The following ADGRL3 variants were observed in gnomAD, a reference collection of about 807,000 sequenced individuals.
The protein encoded by ADGRL3 is calcium-independent alpha-latrotoxin receptor 3.
ADGRL3 carries 62 observed loss-of-function variants against 153.5 expected under a neutral mutation model. The ratio of observed to expected loss-of-function variants is 0.40; its 90% confidence interval spans 0.33 to 0.50. The LOEUF (loss-of-function observed/expected upper bound fraction) is 0.50. Among genes scored for constraint, ADGRL3 ranks in the 20% least tolerant of loss-of-function variants. ADGRL3 has a pLI of 0.47. For synonymous variants in ADGRL3, 710 were observed against 672.5 expected (o/e 1.06, Z -0.86); for missense variants, 1,641 against 1,859.4 (o/e 0.88, Z 2.16).
intron 1 of ADGRL3, among the ~76,000 whole-genome samples, chr4:61,326,031 C>T (rs904285632): frequency 2.0e-5 from 3 of 152,090 alleles, no homozygotes; most frequent in Admixed American, 6.5e-5. Context: ...GGGTCCTCAG[C>T]TAAGATGAGA....
At chr4:61,755,733 T>C (rs1377401256) in intron 8 of ADGRL3, among the ~76,000 whole-genome samples, 1 of 152,242 alleles carries the variant, frequency 6.6e-6, no homozygotes, top group Non-Finnish European at 1.5e-5. Context: ...GGTTTTATTC[T>C]AGGTTTTTTA....
chr4:61,216,350 A>G (rs944523351), intron 1 of ADGRL3, among the ~76,000 whole-genome samples: 1 of 152,088 alleles, frequency 6.6e-6, no homozygotes, highest in Non-Finnish European at 1.5e-5. Context: ...AGGATTTGGT[A>G]TAGTTTTTTA....
intron 24 of ADGRL3, among the ~76,000 whole-genome samples, chr4:62,041,312 A>G (rs1728148342): frequency 6.6e-6 from 1 of 152,108 alleles, no homozygotes; most frequent in Non-Finnish European, 1.5e-5. Context: ...ATATATTCAC[A>G]GAAATGGGTG....
intron 17 of ADGRL3, among the ~76,000 whole-genome samples, chr4:61,969,014 A>G (rs1027063030): frequency 6.6e-6 from 1 of 152,100 alleles, no homozygotes; most frequent in Non-Finnish European, 1.5e-5. Flanking sequence ...TTTTGCTGGC[A>G]TGATTCAACG....
chr4:61,974,684 G>A (rs2099041800), intron 17 of ADGRL3, among the ~76,000 whole-genome samples: 1 of 152,174 alleles, frequency 6.6e-6, no homozygotes, highest in South Asian at 2.1e-4. Flanking sequence ...CTAAATTGAA[G>A]TGACAAGATT....
intron 11 of ADGRL3, among the ~76,000 whole-genome samples, chr4:61,903,516 A>G (rs2098676515): frequency 6.6e-6 from 1 of 152,072 alleles, no homozygotes; most frequent in African/African-American, 2.4e-5. Flanking sequence ...GCTATGATTT[A>G]TTCACTTTAA....
At chr4:61,806,125 TA>T (rs1023203624) in intron 8 of ADGRL3, among the ~76,000 whole-genome samples, 1 of 152,292 alleles carries the variant, frequency 6.6e-6, no homozygotes, top group African/African-American at 2.4e-5. Context: ...TGGTGGGTCC[TA>T]GGATGACAGA....
intron 6 of ADGRL3, among the ~76,000 whole-genome samples, chr4:61,726,734 A>G (rs1327411445): frequency 2.6e-5 from 4 of 152,162 alleles, no homozygotes; most frequent in Non-Finnish European, 4.4e-5. Flanking sequence ...TAACAATACT[A>G]TTACATTGCA....
At chr4:61,695,066 C>A (rs912137931) in intron 6 of ADGRL3, among the ~76,000 whole-genome samples, 1 of 152,180 alleles carries the variant, frequency 6.6e-6, no homozygotes, top group African/African-American at 2.4e-5. Context: ...CCACTGAAAT[C>A]TTGAACCCTT....
chr4:61,463,976 T>C (rs534007272), intron 2 of ADGRL3, among the ~76,000 whole-genome samples: 1 of 152,294 alleles, frequency 6.6e-6, no homozygotes, highest in Non-Finnish European at 1.5e-5. Context: ...ACTGCAGGGC[T>C]CAACAGACAT....
chr4:61,275,518 C>T (rs145296810), intron 1 of ADGRL3, among the ~76,000 whole-genome samples: 17 of 152,244 alleles, frequency 1.1e-4, no homozygotes, highest in African/African-American at 4.1e-4. Flanking sequence ...AAGCACTGGG[C>T]GTCTGGTTTT....
At chr4:61,694,176 ATTATTTTT>A (rs2095593846) in intron 6 of ADGRL3, among the ~76,000 whole-genome samples, 18 of 94,692 alleles carry the variant, frequency 1.9e-4, no homozygotes, top group African/African-American at 4.4e-4. Context: ...AAATTTTGTC[ATTATTTTT>A]TTTTTTTTTT....
intron 8 of ADGRL3, among the ~76,000 whole-genome samples, chr4:61,802,267 T>C (rs1316917834): frequency 6.6e-6 from 1 of 152,152 alleles, no homozygotes; most frequent in South Asian, 2.1e-4. Flanking sequence ...GAAGTTGCTT[T>C]TGTTTGAAAG....
intron 1 of ADGRL3, among the ~76,000 whole-genome samples, chr4:61,366,667 A>C (rs1284185021): frequency 1.3e-5 from 2 of 152,172 alleles, no homozygotes; most frequent in African/African-American, 4.8e-5. Flanking sequence ...TTTAATATTT[A>C]GGTAATATTT....
At chr4:61,648,080 T>G (rs1231905082) in intron 5 of ADGRL3, among the ~76,000 whole-genome samples, 1 of 152,156 alleles carries the variant, frequency 6.6e-6, no homozygotes, top group Non-Finnish European at 1.5e-5. Context: ...GAGATTCCAC[T>G]GAACTGACAT....
chr4:61,308,891 A>C (rs2094898950), intron 1 of ADGRL3, among the ~76,000 whole-genome samples: 1 of 152,144 alleles, frequency 6.6e-6, no homozygotes, highest in African/African-American at 2.4e-5. Context: ...TTTACAGTTT[A>C]CTGTCTTATT....
At chr4:61,620,335 A>G (rs1334376308) in intron 5 of ADGRL3, among the ~76,000 whole-genome samples, 1 of 152,174 alleles carries the variant, frequency 6.6e-6, no homozygotes, top group East Asian at 1.9e-4. Flanking sequence ...GTGGTAACTA[A>G]TTGAAGATAC....
At chr4:61,485,690 GTTGGAATAGGATGAAT>G (rs1297430869) in intron 2 of ADGRL3, among the ~76,000 whole-genome samples, 6 of 152,128 alleles carry the variant, frequency 3.9e-5, no homozygotes, top group Non-Finnish European at 8.8e-5. Context: ...ACTGGAAGGA[GTTGGAATAGGATGAAT>G]TTGACTTTAC....
At chr4:61,686,572 C>T (rs761585395) in intron 6 of ADGRL3, among the ~76,000 whole-genome samples, 7 of 152,140 alleles carry the variant, frequency 4.6e-5, no homozygotes, top group East Asian at 3.9e-4. Context: ...TACACCTATA[C>T]GTTGTGTAAT....
Sources: gnomAD v4.1 joint callset for allele counts (sites outside exome capture counted in the v4.1 genomes callset) on GRCh38, gnomAD v4.1.1 for gene constraint, MANE v1.5 for transcripts, NCBI Gene and HGNC (gene_info 2026-07-23, HGNC 2026-07-21) for gene names.